Variants in DNAJC3 observed in about 807,000 individuals in gnomAD.
DNAJC3 encodes dnaJ homolog subfamily C member 3.
DNAJC3 carries 38 observed loss-of-function variants against 68.6 expected under a neutral mutation model. That is an observed-to-expected ratio of 0.55 (90% confidence interval 0.43 to 0.73). The LOEUF (loss-of-function observed/expected upper bound fraction) is 0.73, where lower values mean the gene tolerates loss of function less well. DNAJC3 is among the 30% of genes least tolerant of loss of function. The pLI is 0.00. For synonymous variants in DNAJC3, 203 were observed against 204.0 expected (o/e 1.00, Z 0.04); for missense variants, 526 against 591.9 (o/e 0.89, Z 1.16).
chr13:95,780,569 C>G (rs1377895018), intron 9 of DNAJC3, among the ~76,000 whole-genome samples: 1 of 152,156 alleles, frequency 6.6e-6, no homozygotes, highest in Non-Finnish European at 1.5e-5. Context: ...TGTCAGCAGC[C>G]CTTGTACAGT....
intron 11 of DNAJC3, 137 bp from the exon 12 acceptor site, chr13:95,790,736 T>G: frequency 1.0e-6 from 1 of 981,980 alleles, no homozygotes; most frequent in Admixed American, 3.2e-5. Context: ...TGGATTTGAA[T>G]GTCAGGCACA....
At chr13:95,723,570 T>G (rs1333383473) in intron 3 of DNAJC3, among the ~76,000 whole-genome samples, 1 of 146,526 alleles carries the variant, frequency 6.8e-6, no homozygotes, top group Non-Finnish European at 1.6e-5. Context: ...ACATTAGATG[T>G]TTTTTTTTCA....
At chr13:95,691,343 C>T (rs1245668424) in intron 1 of DNAJC3, among the ~76,000 whole-genome samples, 5 of 148,376 alleles carry the variant, frequency 3.4e-5, no homozygotes, top group East Asian at 4.2e-4. Flanking sequence ...TCAGACGGGG[C>T]GGTTGCCAGG....
At chr13:95,740,916 G>T (rs1882120822) in intron 4 of DNAJC3, among the ~76,000 whole-genome samples, 1 of 152,132 alleles carries the variant, frequency 6.6e-6, no homozygotes, top group Non-Finnish European at 1.5e-5. Flanking sequence ...TTTTAAAAAT[G>T]ATATGTATCT....
chr13:95,755,568 C>A (rs1241528665), intron 4 of DNAJC3, among the ~76,000 whole-genome samples: 3 of 151,568 alleles, frequency 2.0e-5, no homozygotes, highest in Non-Finnish European at 4.4e-5. Flanking sequence ...ACCACCCTGG[C>A]CAATATGGTG....
intron 4 of DNAJC3, among the ~76,000 whole-genome samples, chr13:95,733,926 G>A (rs1199995833): frequency 6.6e-6 from 1 of 151,908 alleles, no homozygotes; most frequent in Non-Finnish European, 1.5e-5. Context: ...GTCCTTTAAG[G>A]GGAAAATTTA....
intron 1 of DNAJC3, among the ~76,000 whole-genome samples, chr13:95,689,791 C>T (rs955978797): frequency 6.6e-6 from 1 of 151,970 alleles, no homozygotes; most frequent in African/African-American, 2.4e-5. Flanking sequence ...TTTTGGTATG[C>T]TATGTTTCTG....
At chr13:95,733,581 G>T (rs1881785694) in intron 4 of DNAJC3, among the ~76,000 whole-genome samples, 1 of 151,904 alleles carries the variant, frequency 6.6e-6, no homozygotes, top group African/African-American at 2.4e-5. Context: ...TATGTTTTTA[G>T]TAGAAACGGG....
chr13:95,739,142 A>C (rs976633728), intron 4 of DNAJC3, among the ~76,000 whole-genome samples: 3 of 152,110 alleles, frequency 2.0e-5, no homozygotes. Context: ...AAGAATGTTG[A>C]ATATTGGCCC....
At chr13:95,739,691 G>T (rs1460905224) in intron 4 of DNAJC3, among the ~76,000 whole-genome samples, 1 of 151,968 alleles carries the variant, frequency 6.6e-6, no homozygotes, top group Non-Finnish European at 1.5e-5. Context: ...CTCTGTATTG[G>T]TTATTCTAGT....
chr13:95,697,373 G>A (rs1880469500), intron 1 of DNAJC3, among the ~76,000 whole-genome samples: 1 of 152,182 alleles, frequency 6.6e-6, no homozygotes. Flanking sequence ...CTTTTGGCAT[G>A]TAAGGTTTCT....
intron 2 of DNAJC3, among the ~76,000 whole-genome samples, chr13:95,710,233 C>CTTTTTTTTTT (rs66976007): frequency 8.4e-5 from 11 of 131,006 alleles, no homozygotes; most frequent in South Asian, 2.4e-4. Flanking sequence ...CTTTTCTTTT[C>CTTTTTTTTTT]TTTTTTTTTT....
chr13:95,702,541 A>G (rs539933359), intron 1 of DNAJC3, among the ~76,000 whole-genome samples: 2 of 152,310 alleles, frequency 1.3e-5, no homozygotes, highest in African/African-American at 4.8e-5. Flanking sequence ...AGGTGATTAG[A>G]TGATGCCCTC....
chr13:95,688,759 C>T (rs148571951), intron 1 of DNAJC3, among the ~76,000 whole-genome samples: 3,810 of 152,222 alleles, frequency 0.025, 68 homozygotes, highest in Middle Eastern at 0.051. Flanking sequence ...ACCTCAGCCT[C>T]CCAAGGTGCT....
chr13:95,753,059 C>T (rs542698391), intron 4 of DNAJC3, among the ~76,000 whole-genome samples: 1 of 152,282 alleles, frequency 6.6e-6, no homozygotes, highest in East Asian at 1.9e-4. Flanking sequence ...AGTTATCCAA[C>T]TATTTCTTTT....
At chr13:95,725,123 A>G (rs1417758055) in intron 3 of DNAJC3, 55 bp from the exon 4 acceptor site, 2 of 1,240,732 alleles carry the variant, frequency 1.6e-6, no homozygotes, top group Non-Finnish European at 2.2e-6. Context: ...CGTGTTTAAA[A>G]AAGATTTAGA....
At chr13:95,704,849 G>GTTTTTTTTTTTTTTTTTT (rs1292968162) in intron 1 of DNAJC3, among the ~76,000 whole-genome samples, 6 of 102,884 alleles carry the variant, frequency 5.8e-5, no homozygotes, top group African/African-American at 3.7e-4. Context: ...CTGTGTGTGT[G>GTTTTTTTTTTTTTTTTTT]TGTTTTTTTT....
chr13:95,701,220 C>T (rs1880578846), intron 1 of DNAJC3, among the ~76,000 whole-genome samples: 2 of 152,164 alleles, frequency 1.3e-5, no homozygotes, highest in Non-Finnish European at 2.9e-5. Context: ...GCTTAGGTCA[C>T]GCTACCCCAA....
intron 1 of DNAJC3, chr13:95,692,534 AC>A (rs1008693272): frequency 1.3e-5 from 2 of 151,950 alleles, no homozygotes; most frequent in African/African-American, 2.4e-5. Flanking sequence ...AATAATAATA[AC>A]CCCAGGGCCC....
Sources: allele counts gnomAD v4.1 joint callset (sites outside exome capture counted in the v4.1 genomes callset), GRCh38; gene constraint gnomAD v4.1.1; transcripts MANE v1.5; gene names NCBI Gene and HGNC (gene_info 2026-07-23, HGNC 2026-07-21).